PPP1R16A: variants seen among roughly 807,000 people sequenced by gnomAD.
PPP1R16A encodes the protein myosin phosphatase-targeting subunit 3.
Under a neutral mutation model 46.6 loss-of-function variants are expected in PPP1R16A, and 39 were observed. The ratio of observed to expected loss-of-function variants is 0.84; its 90% CI spans 0.65 to 1.09. The LOEUF is 1.09. Among genes scored for constraint, PPP1R16A ranks in the 50% least tolerant of loss-of-function variants. PPP1R16A has a pLI of 0.00. For missense variants in PPP1R16A, 798 were observed against 735.6 expected, an observed-to-expected ratio of 1.08 and a Z score of -0.98; for synonymous variants, 413 against 321.5, an observed-to-expected ratio of 1.28 and a Z score of -3.04.
intron 1 of PPP1R16A, among the ~76,000 whole-genome samples, chr8:144,479,892 T>C (rs1345658433): frequency 2.0e-5 from 3 of 152,204 alleles, no homozygotes; most frequent in Non-Finnish European, 2.9e-5. Flanking sequence ...GCCTTCCATG[T>C]CACATCCTGT....
In PPP1R16A at chr8:144,492,520, A is replaced by G. The variant is rs535854523; in HGVS notation, c.-735+2308A>G. On this transcript the variant is annotated intron_variant, in intron 2 of 11. Coordinates refer to ENST00000435887, the MANE Select transcript of PPP1R16A (RefSeq NM_001329443.2). The stretch of plus-strand genomic sequence containing the variant: ...CCAGCTAATTTTTTGTATTTTTAGT[A>G]GAGATGGGGTTTTACCTTGTTAGCA... Among the ~76,000 whole-genome samples, 10 of 152,034 alleles carry G rather than the reference A, an allele frequency of 6.6e-5. No homozygotes were observed. The East Asian group carries it at 1.9e-3, about 29-fold the overall frequency.
At position 144,478,028 on chromosome 8, in the gene PPP1R16A, G is replaced by T. The variant is rs995947962; in HGVS notation, c.-1013G>T. 3.0e-5 allele frequency: 12 copies of T among 394,188 alleles called. No individual in the cohort carries two copies. Among genetic ancestry groups the T allele is most frequent in the African/African-American group, 2.1e-4 (10 of 48,404 alleles). The allele number at this position is 394,188 out of a possible 1,614,324, so 24.4% of individuals were successfully genotyped here. On this transcript the variant is annotated 5_prime_UTR_variant, in exon 1 of 12. Coordinates refer to ENST00000435887, the MANE Select transcript of PPP1R16A (RefSeq NM_001329443.2). ...TGTAGCGTTGCCATGGCGAGGGCCG[G>T]GTGCGGGGCCCGCCCCCGCAGCGCC... is the stretch of plus-strand genomic sequence containing the variant.
chr8:144,498,588 A>G, intron 3 of PPP1R16A, 182 bp from the exon 4 acceptor site: 1 of 592,170 alleles, frequency 1.7e-6, no homozygotes, highest in Non-Finnish European at 2.9e-6. Flanking sequence ...GGCTTCTGGG[A>G]GTGTGACCGG....
At chr8:144,500,051 CG>C in intron 5 of PPP1R16A, 44 bp from the exon 6 acceptor site, 1 of 1,557,142 alleles carries the variant, frequency 6.4e-7, no homozygotes, top group Non-Finnish European at 8.7e-7. Context: ...GCCTGGCAAG[CG>C]GGGAAGGGCC....
chr8:144,484,567 C>T (rs928909047), intron 1 of PPP1R16A, among the ~76,000 whole-genome samples: 4 of 152,224 alleles, frequency 2.6e-5, no homozygotes, highest in Admixed American at 1.3e-4. Flanking sequence ...TTCATTTAGG[C>T]ATCTGGGCCT....
At chr8:144,481,690 A>G (rs964342354) in intron 1 of PPP1R16A, among the ~76,000 whole-genome samples, 7 of 152,212 alleles carry the variant, frequency 4.6e-5, no homozygotes, top group African/African-American at 1.4e-4. Context: ...TGGAATGAAT[A>G]CTTTTGTGTC....
rs749034437 is a variant in PPP1R16A, at chr8:144,493,175, G to A, written c.-735+2963G>A. ...AGTGAGGGGACGGTGGGTGGGGGTC[G>A]GGGACAGTGCCCAGTATCCTCCATG... On this transcript the variant is annotated intron_variant, in intron 2 of 11. Transcript: ENST00000435887. This position sits in a 1 kb window ranked among gnomAD's most constrained non-coding sequence, Gnocchi z 4.3. 8.5e-5 allele frequency among the ~76,000 whole-genome samples: 13 copies of A among 152,116 alleles called. 1 individual carries two copies. The highest frequency in any genetic ancestry group is 2.4e-4 in the African/African-American group (10 of 41,438).
chr8:144,500,548 C>A lies in PPP1R16A; in HGVS notation c.767C>A (p.Ala256Asp). 1 of 1,596,630 alleles carries A rather than the reference C, an allele frequency of 6.3e-7. No homozygotes were observed. The highest frequency in any genetic ancestry group is 8.5e-7 in the Non-Finnish European group (1 of 1,178,816). ...EAAALLLEHRASLSAKDQDGW... is the reference protein window; with the variant it reads ...EAAALLLEHRDSLSAKDQDGW... ...GCTGCCCTGCTGCTGGAACACCGAG[C>A]CAGCCTGAGCGCTAAGGACCAAGAC... The change falls in exon 8 of 12, where the codon GCC becomes GAC. Residue 256 changes from alanine (A) to aspartate (D), a missense_variant. Ala to Asp is a moderately radical substitution (Grantham distance 126). Coordinates refer to ENST00000435887, the MANE Select transcript of PPP1R16A (RefSeq NM_001329443.2).
chr8:144,481,931 C>A (rs992397624), intron 1 of PPP1R16A, among the ~76,000 whole-genome samples: 2 of 152,034 alleles, frequency 1.3e-5, no homozygotes, highest in African/African-American at 4.8e-5. Flanking sequence ...GCGCCTGCCA[C>A]CATGCCCTGC....
In PPP1R16A at chr8:144,496,553, C is replaced by A; in HGVS notation, c.-642C>A. The A allele has an allele frequency of 6.4e-6, 1 of 156,432 alleles. No individual in the cohort carries two copies. The highest frequency in any genetic ancestry group is 6.2e-5 in the Admixed American group (1 of 16,228). 9.7% of individuals were successfully genotyped at this position (156,432 alleles called of 1,614,324 possible). ...TGCCCTGGCTGCCTAGAGAGCCTCA[C>A]CCCTGGGCCCTGGGGCCAGGACTCC... On this transcript the variant is annotated 5_prime_UTR_variant, in exon 3 of 12. Coordinates refer to ENST00000435887, the MANE Select transcript of PPP1R16A (RefSeq NM_001329443.2).
chr8:144,491,232 A>G (rs1825800945), intron 2 of PPP1R16A, among the ~76,000 whole-genome samples: 1 of 152,178 alleles, frequency 6.6e-6, no homozygotes, highest in African/African-American at 2.4e-5. Context: ...ATTCTACAGA[A>G]TGGCTACACA....
At chr8:144,489,386 G>T (rs1322229476) in intron 1 of PPP1R16A, among the ~76,000 whole-genome samples, 3 of 117,470 alleles carry the variant, frequency 2.6e-5, no homozygotes, top group African/African-American at 9.8e-5. Flanking sequence ...GTCTGAGGGG[G>T]GTTGGACTGG....
chr8:144,489,010 C>T (rs1825707655), intron 1 of PPP1R16A, among the ~76,000 whole-genome samples: 1 of 151,294 alleles, frequency 6.6e-6, no homozygotes, highest in African/African-American at 2.4e-5. Context: ...TCAAGACCAG[C>T]CTTGCCAACA....
intron 1 of PPP1R16A, among the ~76,000 whole-genome samples, chr8:144,482,091 G>A (rs1027281991): frequency 1.1e-4 from 17 of 151,982 alleles, no homozygotes; most frequent in Admixed American, 2.6e-4. Flanking sequence ...CGCCGCCGCC[G>A]CCGCCTTTTT....
intron 5 of PPP1R16A, 66 bp from the exon 6 acceptor site, chr8:144,500,030 C>T (rs2130529391): frequency 6.6e-7 from 1 of 1,520,882 alleles, no homozygotes; most frequent in Non-Finnish European, 8.9e-7. Flanking sequence ...GGGGACTTCT[C>T]CAAGTGAGGA....
chr8:144,478,410 G>C (rs1189736119), intron 1 of PPP1R16A: 1 of 316,650 alleles, frequency 3.2e-6, no homozygotes, highest in African/African-American at 2.1e-5. Flanking sequence ...AGGTCCCGCC[G>C]GGCCGCCTTG....
At chr8:144,499,956 C>T (rs988291803) in intron 5 of PPP1R16A, 140 bp from the exon 6 acceptor site, 5 of 791,120 alleles carry the variant, frequency 6.3e-6, no homozygotes, top group African/African-American at 5.2e-5. Flanking sequence ...CCAAGGCTGC[C>T]TCTCCCAGCA....
At chr8:144,501,337 T>G in intron 11 of PPP1R16A, 43 bp downstream of exon 11, 1 of 1,534,684 alleles carries the variant, frequency 6.5e-7, no homozygotes, top group Non-Finnish European at 8.7e-7. Context: ...GGGGTGGGCC[T>G]GGCTCTGCCC....
chr8:144,500,443 A>G, intron 7 of PPP1R16A, 44 bp from the exon 8 acceptor site: 1 of 1,538,538 alleles, frequency 6.5e-7, no homozygotes, highest in Non-Finnish European at 8.7e-7. Flanking sequence ...CGCTACTTGG[A>G]GGTGGGGGAT....
Sources: allele counts gnomAD v4.1 joint callset (sites outside exome capture counted in the v4.1 genomes callset), GRCh38; gene constraint gnomAD v4.1.1; non-coding constraint Gnocchi (gnomAD v3.1); transcripts MANE v1.5; gene names NCBI Gene and HGNC (gene_info 2026-07-23, HGNC 2026-07-21).